Variants in MAML3 observed in about 807,000 individuals in gnomAD.
MAML3 encodes mastermind like transcriptional coactivator 3.
A neutral mutation model predicts 101.9 loss-of-function variants in MAML3; 27 were observed. That is an observed-to-expected ratio of 0.27 (90% CI 0.20 to 0.37). The LOEUF is 0.37. Ranked by LOEUF, MAML3 falls within the 10% of genes least tolerant of loss-of-function variation. The pLI, the probability that MAML3 is intolerant of heterozygous loss-of-function variation, is 1.00. For synonymous variants in MAML3, 501 were observed against 555.9 expected, an observed-to-expected ratio of 0.90 and a Z score of 1.39; for missense variants, 1,316 against 1,444.9, an observed-to-expected ratio of 0.91 and a Z score of 1.45.
At chr4:139,881,265 GGCCTA>G (rs1732213676) in intron 2 of MAML3, among the ~76,000 whole-genome samples, 6 of 152,156 alleles carry the variant, frequency 3.9e-5, no homozygotes, top group Admixed American at 3.9e-4. Flanking sequence ...CTGGATCCCA[GGCCTA>G]GCCAGAGTGG....
chr4:139,819,598 A>T (rs1437938718), intron 2 of MAML3, among the ~76,000 whole-genome samples: 1 of 152,068 alleles, frequency 6.6e-6, no homozygotes, highest in East Asian at 1.9e-4. Flanking sequence ...ATTTTTTTCC[A>T]ATTGGACTAT....
At chr4:139,962,210 G>A (rs1341528188) in intron 1 of MAML3, among the ~76,000 whole-genome samples, 2 of 152,076 alleles carry the variant, frequency 1.3e-5, no homozygotes, top group East Asian at 1.9e-4. Flanking sequence ...TCTGTCCAGA[G>A]AGTTAATAAA....
intron 2 of MAML3, among the ~76,000 whole-genome samples, chr4:139,753,966 G>A (rs1158440003): frequency 6.6e-6 from 1 of 152,186 alleles, no homozygotes; most frequent in Non-Finnish European, 1.5e-5. Context: ...GGAGGGGTAA[G>A]AGTTAATGAA....
At chr4:139,938,199 C>G (rs940637867) in intron 1 of MAML3, among the ~76,000 whole-genome samples, 1 of 152,172 alleles carries the variant, frequency 6.6e-6, no homozygotes, top group African/African-American at 2.4e-5. Context: ...TTGAACTGCT[C>G]TCAGTTCTTG....
At chr4:139,907,457 G>A (rs78839020) in intron 1 of MAML3, among the ~76,000 whole-genome samples, 2 of 152,148 alleles carry the variant, frequency 1.3e-5, no homozygotes, top group Admixed American at 6.5e-5. Flanking sequence ...CAGAGAACAA[G>A]AATTCATTAC....
At chr4:140,000,831 C>A (rs1176991240) in intron 1 of MAML3, among the ~76,000 whole-genome samples, 1 of 152,064 alleles carries the variant, frequency 6.6e-6, no homozygotes, top group Admixed American at 6.6e-5. Flanking sequence ...AGTTCAAGAC[C>A]AGCCTGACCC....
intron 1 of MAML3, among the ~76,000 whole-genome samples, chr4:139,947,273 T>G (rs1323001152): frequency 6.6e-6 from 1 of 152,226 alleles, no homozygotes; most frequent in East Asian, 1.9e-4. Flanking sequence ...GGCATTTTCC[T>G]TCTTGCTCTT....
intron 1 of MAML3, among the ~76,000 whole-genome samples, chr4:140,009,672 T>C (rs1412349031): frequency 2.0e-5 from 3 of 152,192 alleles, no homozygotes; most frequent in Non-Finnish European, 4.4e-5. Flanking sequence ...ATTGATTTAA[T>C]TCAACAAATA....
intron 1 of MAML3, among the ~76,000 whole-genome samples, chr4:139,954,589 G>A (rs868594021): frequency 6.6e-6 from 1 of 152,214 alleles, no homozygotes; most frequent in East Asian, 1.9e-4. Flanking sequence ...AGCCAAGGCA[G>A]CTCAAACACA....
intron 1 of MAML3, among the ~76,000 whole-genome samples, chr4:140,137,954 T>A (rs1382678482): frequency 6.6e-6 from 1 of 152,244 alleles, no homozygotes; most frequent in Non-Finnish European, 1.5e-5. Flanking sequence ...GAAACTACTG[T>A]TACATCTTTC....
chr4:140,090,425 G>C (rs1227869223), intron 1 of MAML3, among the ~76,000 whole-genome samples: 1 of 152,214 alleles, frequency 6.6e-6, no homozygotes, highest in Non-Finnish European at 1.5e-5. Flanking sequence ...AATAGCAACA[G>C]CTAACATTTA....
intron 2 of MAML3, among the ~76,000 whole-genome samples, chr4:139,887,712 C>A (rs770512036): frequency 2.0e-5 from 3 of 152,208 alleles, no homozygotes; most frequent in Non-Finnish European, 4.4e-5. Flanking sequence ...AGGAAATACT[C>A]TACTGTAGCT....
chr4:140,059,247 G>A (rs1727403569), intron 1 of MAML3, among the ~76,000 whole-genome samples: 1 of 152,200 alleles, frequency 6.6e-6, no homozygotes, highest in Non-Finnish European at 1.5e-5. Context: ...CTTACTCATT[G>A]TAATATCCCT....
intron 1 of MAML3, among the ~76,000 whole-genome samples, chr4:140,061,069 C>A (rs1015277587): frequency 5.3e-5 from 8 of 152,196 alleles, no homozygotes; most frequent in African/African-American, 9.7e-5. Flanking sequence ...AAGGCACGCA[C>A]GTTTGATGTG....
intron 1 of MAML3, among the ~76,000 whole-genome samples, chr4:139,982,579 T>C (rs1487026745): frequency 6.6e-6 from 1 of 152,230 alleles, no homozygotes; most frequent in Non-Finnish European, 1.5e-5. Flanking sequence ...GGTTAGCATA[T>C]GATACTTTTT....
At chr4:139,721,580 T>C (rs1489407069) in intron 4 of MAML3, among the ~76,000 whole-genome samples, 1 of 152,188 alleles carries the variant, frequency 6.6e-6, no homozygotes, top group Non-Finnish European at 1.5e-5. Flanking sequence ...GATGTGGCTA[T>C]TGATTTCTGG....
intron 1 of MAML3, among the ~76,000 whole-genome samples, chr4:139,956,104 C>G (rs950296984): frequency 1.3e-5 from 2 of 152,152 alleles, no homozygotes; most frequent in Non-Finnish European, 2.9e-5. Context: ...ACTGGACTTG[C>G]TACTTATATA....
chr4:139,931,761 C>A (rs1312070503), intron 1 of MAML3, among the ~76,000 whole-genome samples: 1 of 151,796 alleles, frequency 6.6e-6, no homozygotes, highest in Non-Finnish European at 1.5e-5. Flanking sequence ...TGTAATCCCA[C>A]CACTTTGGGA....
At position 139,739,679 on chromosome 4, in the gene MAML3, G is replaced by GTT. The variant is rs1553952725; in HGVS notation, c.2080-9014_2080-9013dup. On this transcript the variant is annotated intron_variant, in intron 2 of 4. Transcript: ENST00000509479. The stretch of plus-strand genomic sequence containing the variant: ...TTAAGAAAGGCAGGGGAGGAAAGCA[G>GTT]TTTTTTTTTTTTTTTCTTTTATGTC... 2.5e-3 allele frequency among the ~76,000 whole-genome samples: 333 copies of GTT among 132,344 alleles called. 1 individual carries two copies. The highest frequency in any genetic ancestry group is 8.5e-3 in the African/African-American group (302 of 35,340). The allele number at this position is 132,344 out of a possible 152,430, so 86.8% of individuals were successfully genotyped here. A position where few individuals can be genotyped will look rare whatever the true frequency, so the allele number is the denominator to read the frequency against.
Sources: allele counts gnomAD v4.1 joint callset (sites outside exome capture counted in the v4.1 genomes callset), GRCh38; gene constraint gnomAD v4.1.1; transcripts MANE v1.5; gene names NCBI Gene and HGNC (gene_info 2026-07-23, HGNC 2026-07-21).